HDAC4: variants seen among roughly 807,000 people sequenced by gnomAD.
HDAC4 encodes histone deacetylase 4.
Under a neutral mutation model 135.1 loss-of-function variants are expected in HDAC4, and 16 were observed. The ratio of observed to expected loss-of-function variants is 0.12; its 90% CI spans 0.08 to 0.18. The LOEUF (loss-of-function observed/expected upper bound fraction) is 0.18, where lower values mean the gene tolerates loss of function less well. Ranked by LOEUF, HDAC4 falls within the 10% of genes least tolerant of loss-of-function variation. The pLI is 1.00. For missense variants in HDAC4, 1,143 were observed against 1,511.8 expected (o/e 0.76, Z 4.05); for synonymous variants, 685 against 653.4 (o/e 1.05, Z -0.74).
At chr2:239,084,882 ACCC>A (rs140569180) in intron 19 of HDAC4, among the ~76,000 whole-genome samples, 1 of 103,120 alleles carries the variant, frequency 9.7e-6, no homozygotes, top group African/African-American at 3.6e-5. Context: ...GCCCATACCC[ACCC>A]CCCCCACGTA....
At chr2:239,144,556 G>A in intron 8 of HDAC4, 27 bp downstream of exon 8, 1 of 1,612,728 alleles carries the variant, frequency 6.2e-7, no homozygotes, top group Non-Finnish European at 8.5e-7. Context: ...GGGCAGCGGG[G>A]CGGGTGTACC....
chr2:239,169,667 G>A (rs572936246), intron 5 of HDAC4, among the ~76,000 whole-genome samples: 2 of 152,350 alleles, frequency 1.3e-5, no homozygotes, highest in South Asian at 4.1e-4. Context: ...ACACCCTGGA[G>A]TGAACAGAGA....
chr2:239,401,186 T>TCCCG (rs1232001998), upstream of HDAC4, among the ~76,000 whole-genome samples: 1 of 149,552 alleles, frequency 6.7e-6, no homozygotes, highest in African/African-American at 2.5e-5. Context: ...CGGCCCCGCC[T>TCCCG]CCCGCCCGCC....
In HDAC4 at chr2:239,139,396, T is replaced by C. The variant is rs2041194229; in HGVS notation, c.978+288A>G. Among the ~76,000 whole-genome samples the C allele has an allele frequency of 6.6e-6, 1 of 151,974 alleles. No individual in the cohort carries two copies. The highest frequency in any genetic ancestry group is 6.6e-5 in the Admixed American group (1 of 15,252). The stretch of plus-strand genomic sequence containing the variant: ...CGTGGGCTTGTGCTGGGACACCATC[T>C]AGTGACATCTGCTCTGGAAGAGGTC... On this transcript the variant is annotated intron_variant, in intron 9 of 26. Transcript: ENST00000543185. This position sits in a 1 kb window ranked among gnomAD's most constrained non-coding sequence, Gnocchi z 5.3.
chr2:239,306,551 C>G lies in HDAC4; in HGVS notation c.22+46127G>C, dbSNP rs2052594727. Among the ~76,000 whole-genome samples, 1 of 152,128 alleles carries G rather than the reference C, an allele frequency of 6.6e-6. No individual in the cohort carries two copies. Among genetic ancestry groups the G allele is most frequent in the African/African-American group, 2.4e-5 (1 of 41,426 alleles). On this transcript the variant is annotated intron_variant, in intron 2 of 26. Transcript: ENST00000543185. This position sits in a 1 kb window ranked among gnomAD's most constrained non-coding sequence, Gnocchi z 4.5. ...CGACACACTTGTTTCGTACCTTTCC[C>G]GGTCATGATACAAAACATAAGCTGG...
At chr2:239,172,286 G>GAAA (rs1352369078) in intron 5 of HDAC4, among the ~76,000 whole-genome samples, 19 of 89,164 alleles carry the variant, frequency 2.1e-4, no homozygotes, top group South Asian at 4.8e-4. Flanking sequence ...CCAAGCTGGT[G>GAAA]AAAAAAAATA....
At chr2:239,319,569 G>A (rs574076205) in intron 2 of HDAC4, among the ~76,000 whole-genome samples, 16 of 152,280 alleles carry the variant, frequency 1.1e-4, no homozygotes, top group Admixed American at 1.0e-3. Flanking sequence ...CCGTGACCCG[G>A]CACTCCCATT....
At chr2:239,339,800 A>T (rs1692185035) in intron 2 of HDAC4, among the ~76,000 whole-genome samples, 1 of 152,228 alleles carries the variant, frequency 6.6e-6, no homozygotes, top group African/African-American at 2.4e-5. Context: ...AGAAATGGAA[A>T]CACTGATAAA....
chr2:239,268,247 G>A (rs919914816), intron 2 of HDAC4, among the ~76,000 whole-genome samples: 6 of 152,216 alleles, frequency 3.9e-5, no homozygotes, highest in Non-Finnish European at 8.8e-5. Context: ...TCCCAGACTC[G>A]GGCTGGTGGC....
At chr2:239,073,776 G>A (rs1250139494) in intron 22 of HDAC4, among the ~76,000 whole-genome samples, 1 of 152,274 alleles carries the variant, frequency 6.6e-6, no homozygotes, top group Admixed American at 6.5e-5. Context: ...CCGCAGGGCT[G>A]GGAGGGGAGA....
chr2:239,177,860 AT>A (rs1459052439), intron 4 of HDAC4, among the ~76,000 whole-genome samples: 6 of 152,218 alleles, frequency 3.9e-5, no homozygotes, highest in African/African-American at 1.4e-4. Flanking sequence ...AACACTTCCC[AT>A]TTCACTCACG....
intron 2 of HDAC4, among the ~76,000 whole-genome samples, chr2:239,340,133 G>A (rs1692210162): frequency 6.6e-6 from 1 of 152,170 alleles, no homozygotes; most frequent in Admixed American, 6.5e-5. Context: ...TCCTGCTGGT[G>A]CTGCTGCTCC....
chr2:239,274,307 G>A (rs2050225486), intron 2 of HDAC4, among the ~76,000 whole-genome samples: 1 of 152,080 alleles, frequency 6.6e-6, no homozygotes, highest in Non-Finnish European at 1.5e-5. Context: ...TCAGAGCCAG[G>A]GGACCTCATG....
At chr2:239,082,029 T>C (rs2035385290) in intron 21 of HDAC4, 73 bp downstream of exon 21, 2 of 1,534,408 alleles carry the variant, frequency 1.3e-6, no homozygotes, top group Non-Finnish European at 1.8e-6. Context: ...CTGTGGACCG[T>C]CTGCCCCGTG....
At chr2:239,251,513 C>T (rs939542371) in intron 2 of HDAC4, among the ~76,000 whole-genome samples, 4 of 152,056 alleles carry the variant, frequency 2.6e-5, no homozygotes, top group East Asian at 3.9e-4. Flanking sequence ...GAGGATCTCT[C>T]GAGCAAGATC....
At chr2:239,209,342 T>C (rs935030262) in intron 3 of HDAC4, among the ~76,000 whole-genome samples, 2 of 152,178 alleles carry the variant, frequency 1.3e-5, no homozygotes, top group African/African-American at 4.8e-5. Context: ...TAAAACTACA[T>C]GGAAGAAGAA....
At chr2:239,209,292 G>C (rs750171907) in intron 3 of HDAC4, among the ~76,000 whole-genome samples, 1 of 152,230 alleles carries the variant, frequency 6.6e-6, no homozygotes, top group Non-Finnish European at 1.5e-5. Context: ...CGGAACTACA[G>C]GTCCAGTGCA....
rs373143595 is a variant in HDAC4, at chr2:239,139,671, G to A, written c.978+13C>T. 8.2e-5 allele frequency: 132 copies of A among 1,608,566 alleles called. No homozygotes were observed. Among genetic ancestry groups the A allele is most frequent in the Middle Eastern group, 6.6e-4 (4 of 6,076 alleles). Reference sequence around the variant, plus strand: ...TCTAGCCGTAGGACACAGGACAAACGCTTCGCACTGACCTCCGCCGGGATG... The same window carrying A: ...TCTAGCCGTAGGACACAGGACAAACACTTCGCACTGACCTCCGCCGGGATG... On this transcript the variant is annotated intron_variant, in intron 9 of 26. Transcript: ENST00000543185. This position sits in a 1 kb window ranked among gnomAD's most constrained non-coding sequence, Gnocchi z 5.3.
chr2:239,242,591 A>G (rs2048252376), intron 2 of HDAC4, among the ~76,000 whole-genome samples: 1 of 152,244 alleles, frequency 6.6e-6, no homozygotes, highest in South Asian at 2.1e-4. Context: ...CGTACAAATA[A>G]TGACAGTTGT....
Sources: gnomAD v4.1 joint callset for allele counts (sites outside exome capture counted in the v4.1 genomes callset) on GRCh38, gnomAD v4.1.1 for gene constraint, Gnocchi (gnomAD v3.1) non-coding constraint, MANE v1.5 for transcripts, NCBI Gene and HGNC (gene_info 2026-07-23, HGNC 2026-07-21) for gene names.